The following LEMD3 variants were observed in gnomAD, a reference collection of about 807,000 sequenced individuals.
LEMD3 encodes LEM domain containing 3, also known as inner nuclear membrane protein Man1.
A neutral mutation model predicts 95.2 loss-of-function variants in LEMD3; 33 were observed. The observed-to-expected ratio is 0.35, with a 90% CI of 0.26 to 0.46. The LOEUF is 0.46. Among genes scored for constraint, LEMD3 ranks in the 20% least tolerant of loss-of-function variants. LEMD3 has a pLI of 1.00. For missense variants in LEMD3, 1,210 were observed against 1,192.8 expected, an observed-to-expected ratio of 1.01 and a Z score of -0.21; for synonymous variants, 525 against 474.6, an observed-to-expected ratio of 1.11 and a Z score of -1.38.
At chr12:65,190,199 T>G (rs760797915) in intron 1 of LEMD3, among the ~76,000 whole-genome samples, 10 of 152,190 alleles carry the variant, frequency 6.6e-5, no homozygotes, top group Non-Finnish European at 1.5e-5. Context: ...TGCAAGTAAC[T>G]TACTGCAAAC....
At chr12:65,199,004 C>G (rs1262558426) in intron 1 of LEMD3, among the ~76,000 whole-genome samples, 1 of 152,074 alleles carries the variant, frequency 6.6e-6, no homozygotes, top group African/African-American at 2.4e-5. Flanking sequence ...TTGTTTCCCT[C>G]TGGAGTTTTG....
At chr12:65,218,684 G>T in intron 4 of LEMD3, 65 bp downstream of exon 4, 2 of 862,624 alleles carry the variant, frequency 2.3e-6, no homozygotes, top group Non-Finnish European at 1.8e-6. Flanking sequence ...ATTGCTACTT[G>T]TAAGAATCAT....
At chr12:65,224,639 C>T (rs377323536) in intron 4 of LEMD3, among the ~76,000 whole-genome samples, 8 of 151,942 alleles carry the variant, frequency 5.3e-5, no homozygotes, top group Non-Finnish European at 1.0e-4. Flanking sequence ...GAGTAGCTTG[C>T]GTCTTGGCTG....
chr12:65,199,975 A>G (rs1869545029), intron 1 of LEMD3, among the ~76,000 whole-genome samples: 1 of 151,928 alleles, frequency 6.6e-6, no homozygotes, highest in South Asian at 2.1e-4. Context: ...CTAGAACTGA[A>G]TCAAAAGGAA....
chr12:65,225,296 G>A (rs1434034155), intron 4 of LEMD3, among the ~76,000 whole-genome samples: 1 of 151,974 alleles, frequency 6.6e-6, no homozygotes, highest in Non-Finnish European at 1.5e-5. Flanking sequence ...ACTTTGTGTT[G>A]GGATTCGTGC....
intron 2 of LEMD3, among the ~76,000 whole-genome samples, chr12:65,213,085 TAAAG>T (rs1466108624): frequency 6.9e-6 from 1 of 144,810 alleles, no homozygotes; most frequent in Non-Finnish European, 1.5e-5. Context: ...AGCAAGACTG[TAAAG>T]ATAGATAGAT....
chr12:65,206,752 T>G lies in LEMD3; in HGVS notation c.1523-4174T>G, dbSNP rs550050942. Among the ~76,000 whole-genome samples the G allele has an allele frequency of 1.8e-4, 27 of 152,216 alleles. 1 individual carries two copies. The highest frequency in any genetic ancestry group is 6.5e-4 in the African/African-American group (27 of 41,542). ...GAGAATTTGTTTTGAAGAGAATTTTTTTCCTCATCTAAGAGAAAATAATGT... is the reference window on the plus strand; with the variant it reads ...GAGAATTTGTTTTGAAGAGAATTTTGTTCCTCATCTAAGAGAAAATAATGT... On this transcript the variant is annotated intron_variant, in intron 1 of 12. Coordinates refer to ENST00000308330, the MANE Select transcript of LEMD3 (RefSeq NM_014319.5).
chr12:65,246,139 ATAT>A lies in LEMD3; in HGVS notation c.2573-18_2573-16del, dbSNP rs777665705. ...TATTAAACAGTTTTACTGATCTAAA[ATAT>A]TATTTTTATCTTACAACAGGGAAAT... is the stretch of plus-strand genomic sequence containing the variant. On this transcript the variant is annotated intron_variant, in intron 12 of 12. Coordinates refer to ENST00000308330, the MANE Select transcript of LEMD3 (RefSeq NM_014319.5). The A allele has an allele frequency of 3.2e-6, 5 of 1,568,174 alleles. No individual in the cohort carries two copies. The highest frequency in any genetic ancestry group is 4.4e-6 in the Non-Finnish European group (5 of 1,141,350).
chr12:65,235,668 T>C (rs186102110), intron 4 of LEMD3, among the ~76,000 whole-genome samples: 1 of 152,308 alleles, frequency 6.6e-6, no homozygotes, highest in East Asian at 1.9e-4. Context: ...TACTATGCAA[T>C]TTTATATCAG....
At chr12:65,231,506 G>T (rs961589749) in intron 4 of LEMD3, among the ~76,000 whole-genome samples, 2 of 152,026 alleles carry the variant, frequency 1.3e-5, no homozygotes, top group Admixed American at 6.6e-5. Flanking sequence ...GGAACATAGT[G>T]AGATCTTGTC....
chr12:65,236,138 A>G (rs1347999591), intron 4 of LEMD3, among the ~76,000 whole-genome samples: 1 of 152,254 alleles, frequency 6.6e-6, no homozygotes, highest in Non-Finnish European at 1.5e-5. Flanking sequence ...TATAATTTCC[A>G]ATGCTGTTGA....
intron 4 of LEMD3, among the ~76,000 whole-genome samples, chr12:65,225,737 T>A (rs1398531032): frequency 6.6e-6 from 1 of 152,144 alleles, no homozygotes; most frequent in East Asian, 1.9e-4. Context: ...CCCGCCACCA[T>A]GCCCAGCTAA....
rs143080489 is a variant in LEMD3, at chr12:65,245,491, T to C, written c.2388-178T>C. ...TGGGAGGAGGGCTGAGACTTCTGAA[T>C]TGTAATTTTTAAATCTACCTCCTGT... On this transcript the variant is annotated intron_variant, in intron 10 of 12. Transcript: ENST00000308330. 274 of 599,660 alleles carry C rather than the reference T, an allele frequency of 4.6e-4. 2 individuals carry two copies. The East Asian group carries it at 7.5e-3, about 16-fold the overall frequency. The allele number at this position is 599,660 out of a possible 1,614,324, so 37.1% of individuals were successfully genotyped here. A position where few individuals can be genotyped will look rare whatever the true frequency, so the allele number is the denominator to read the frequency against.
At chr12:65,232,344 T>C (rs1268035676) in intron 4 of LEMD3, among the ~76,000 whole-genome samples, 4 of 152,148 alleles carry the variant, frequency 2.6e-5, no homozygotes. Flanking sequence ...ATTTAAGTTT[T>C]TAGATTGAGG....
chr12:65,243,885 G>A (rs1871009514), intron 10 of LEMD3, among the ~76,000 whole-genome samples: 2 of 152,114 alleles, frequency 1.3e-5, no homozygotes, highest in African/African-American at 4.8e-5. Flanking sequence ...TTCCTACAAA[G>A]ATGTATATAC....
chr12:65,243,372 AACTT>A lies in LEMD3; in HGVS notation c.2306-15_2306-12del. 1 of 1,451,170 alleles carries A rather than the reference AACTT, an allele frequency of 6.9e-7. No homozygotes were observed. Among genetic ancestry groups the A allele is most frequent in the Non-Finnish European group, 9.7e-7 (1 of 1,031,576 alleles). 89.9% of individuals were successfully genotyped at this position (1,451,170 alleles called of 1,614,324 possible). A position where few individuals can be genotyped will look rare whatever the true frequency, so the allele number is the denominator to read the frequency against. On this transcript the variant is annotated splice_polypyrimidine_tract_variant and intron_variant, in intron 9 of 12. Coordinates refer to ENST00000308330, the MANE Select transcript of LEMD3 (RefSeq NM_014319.5). ...TAGAACAATGTCAAATAGTAAAACT[AACTT>A]GTTTTTTGTAGCATTTCATTTAGAT...
chr12:65,169,959 G>T lies in LEMD3; in HGVS notation c.363G>T (p.Gly121=). The T allele has an allele frequency of 6.8e-7, 1 of 1,460,434 alleles. No homozygotes were observed. Among genetic ancestry groups the T allele is most frequent in the Non-Finnish European group, 9.0e-7 (1 of 1,116,580 alleles). The allele number at this position is 1,460,434 out of a possible 1,614,324, so 90.5% of individuals were successfully genotyped here. The stretch of plus-strand genomic sequence containing the variant: ...CTGGCCCAGAGAGCCTCCTGGGAGG[G>T]CCCGGGGGCGCCTCCGCCGCCCCCG... ...SASGPESLLG[G]PGGASAAPAA... is the part of the protein sequence containing the mutation. The change falls in exon 1 of 13, where the codon GGG becomes GGT. Residue 121 remains glycine (G), a synonymous_variant. Transcript: ENST00000308330.
chr12:65,170,818 A>G lies in LEMD3; in HGVS notation c.1222A>G (p.Asn408Asp). 1 of 1,614,214 alleles carries G rather than the reference A, an allele frequency of 6.2e-7. No homozygotes were observed. Among genetic ancestry groups the G allele is most frequent in the South Asian group, 1.1e-5 (1 of 91,072 alleles). Residue 408 changes from asparagine to aspartate, a missense_variant, in exon 1 of 13, where the codon AAC becomes GAC. This residue lies in a region of LEMD3 where 749 missense variants were observed against 622.9 expected (regional missense o/e 1.20). Transcript: ENST00000308330. Reference sequence around the variant, plus strand: ...TGTGGACTCCCCCAGGATTTATTCTAACAGTCTCCCTCCCAGTGCGGCGGT... The same window carrying G: ...TGTGGACTCCCCCAGGATTTATTCTGACAGTCTCCCTCCCAGTGCGGCGGT... ...FSVDSPRIYS[N>D]SLPPSAAVAA...
In LEMD3 at chr12:65,170,860, C is replaced by G; in HGVS notation, c.1264C>G (p.Leu422Val). The change falls in exon 1 of 13, where the codon CTC becomes GTC. Residue 422 changes from leucine to valine, a missense_variant. Leu to Val is a conservative substitution (Grantham distance 32). Transcript: ENST00000308330. ...PSAAVAASSSLRINHANHTGS... is the reference protein window; with the variant it reads ...PSAAVAASSSVRINHANHTGS... ...TGCGGCGGTGGCCGCCTCTAGTTCA[C>G]TCAGGATCAATCACGCCAATCATAC... 6.2e-7 allele frequency: 1 copy of G among 1,614,166 alleles called. No homozygotes were observed. The highest frequency in any genetic ancestry group is 8.5e-7 in the Non-Finnish European group (1 of 1,180,016).
Sources: gnomAD v4.1 joint callset for allele counts (sites outside exome capture counted in the v4.1 genomes callset) on GRCh38, gnomAD v4.1.1 for gene constraint, gnomAD v4.1.1 regional missense constraint, MANE v1.5 for transcripts, NCBI Gene and HGNC (gene_info 2026-07-23, HGNC 2026-07-21) for gene names.